PCSK2: variants seen among roughly 807,000 people sequenced by gnomAD.
PCSK2 encodes neuroendocrine convertase 2.
Under a neutral mutation model 69.7 loss-of-function variants are expected in PCSK2, and 14 were observed. The observed-to-expected ratio is 0.20, with a 90% CI of 0.13 to 0.31. The LOEUF is 0.31. PCSK2 is among the 10% of genes least tolerant of loss of function. The pLI is 1.00. For missense variants in PCSK2, 544 were observed against 842.5 expected, an observed-to-expected ratio of 0.65 and a Z score of 4.39; for synonymous variants, 307 against 320.7, an observed-to-expected ratio of 0.96 and a Z score of 0.46.
intron 1 of PCSK2, among the ~76,000 whole-genome samples, chr20:17,236,006 A>G (rs1986324583): frequency 6.6e-6 from 1 of 152,152 alleles, no homozygotes; most frequent in Non-Finnish European, 1.5e-5. Flanking sequence ...AAAAAATACC[A>G]AGTAATAAAA....
intron 1 of PCSK2, among the ~76,000 whole-genome samples, chr20:17,238,244 G>C (rs985811262): frequency 6.6e-6 from 1 of 151,180 alleles, no homozygotes; most frequent in Non-Finnish European, 1.5e-5. Context: ...CACTTGATGT[G>C]GTTTTAAAGG....
intron 1 of PCSK2, among the ~76,000 whole-genome samples, chr20:17,234,212 T>C (rs1275460386): frequency 6.6e-6 from 1 of 152,184 alleles, no homozygotes; most frequent in Non-Finnish European, 1.5e-5. Flanking sequence ...AGAGCACACA[T>C]ATTTTCACAA....
intron 1 of PCSK2, among the ~76,000 whole-genome samples, chr20:17,238,063 C>G (rs1986411220): frequency 6.6e-6 from 1 of 152,122 alleles, no homozygotes; most frequent in African/African-American, 2.4e-5. Flanking sequence ...CTGGCACCCA[C>G]AAAATGGTAA....
intron 1 of PCSK2, among the ~76,000 whole-genome samples, chr20:17,245,392 T>A (rs550501287): frequency 6.6e-6 from 1 of 152,340 alleles, no homozygotes; most frequent in South Asian, 2.1e-4. Context: ...AGCATTCTTG[T>A]GGGTTATTCT....
In PCSK2 at chr20:17,459,211, A is replaced by G. The variant is rs557762317; in HGVS notation, c.1202+2763A>G. Among the ~76,000 whole-genome samples, 6 of 152,364 alleles carry G rather than the reference A, an allele frequency of 3.9e-5. No individual in the cohort carries two copies. The East Asian group carries it at 1.2e-3, about 29-fold the overall frequency. Reference sequence around the variant, plus strand: ...ACCCATGTAGCCAGCACCCAAATCAAGAAACAGACGATTTATGTGCCCTGT... The same window carrying G: ...ACCCATGTAGCCAGCACCCAAATCAGGAAACAGACGATTTATGTGCCCTGT... On this transcript the variant is annotated intron_variant, in intron 10 of 11. Coordinates refer to ENST00000262545, the MANE Select transcript of PCSK2 (RefSeq NM_002594.5).
At chr20:17,420,365 A>C (rs2032094541) in intron 6 of PCSK2, among the ~76,000 whole-genome samples, 1 of 152,248 alleles carries the variant, frequency 6.6e-6, no homozygotes, top group Non-Finnish European at 1.5e-5. Flanking sequence ...TTTCAAAGAC[A>C]TAGTCTTTTT....
At chr20:17,347,934 GAGAAAGAA>G (rs11469177) in intron 2 of PCSK2, among the ~76,000 whole-genome samples, 15,563 of 49,300 alleles carry the variant, frequency 0.32, 2,608 homozygotes, top group African/African-American at 0.42. Flanking sequence ...AGAGAAAAAA[GAGAAAGAA>G]AGAAAGAAAG....
intron 2 of PCSK2, among the ~76,000 whole-genome samples, chr20:17,269,973 AT>A (rs759472737): frequency 9.9e-4 from 151 of 152,218 alleles, no homozygotes; most frequent in African/African-American, 3.3e-3. Context: ...TTTTAAAAGA[AT>A]TTCCTGTTAA....
chr20:17,233,379 A>G (rs1186878438), intron 1 of PCSK2, among the ~76,000 whole-genome samples: 1 of 152,128 alleles, frequency 6.6e-6, no homozygotes, highest in East Asian at 1.9e-4. Context: ...CACTAGTGAC[A>G]CTCTTTTCCT....
chr20:17,380,827 G>A (rs750394673), intron 5 of PCSK2, among the ~76,000 whole-genome samples: 3 of 152,146 alleles, frequency 2.0e-5, no homozygotes, highest in Non-Finnish European at 4.4e-5. Flanking sequence ...ATTAAAAGGG[G>A]CAATTAGTGC....
chr20:17,277,095 C>T (rs1355499308), intron 2 of PCSK2, among the ~76,000 whole-genome samples: 4 of 152,066 alleles, frequency 2.6e-5, no homozygotes, highest in Non-Finnish European at 5.9e-5. Flanking sequence ...AAGAACATTC[C>T]ATGCTCATGG....
intron 8 of PCSK2, among the ~76,000 whole-genome samples, chr20:17,448,754 C>T (rs993047447): frequency 6.6e-5 from 10 of 152,144 alleles, no homozygotes; most frequent in Admixed American, 4.6e-4. Context: ...TGGTTAAGTA[C>T]ACTCCATAGT....
chr20:17,436,860 G>A lies in PCSK2; in HGVS notation c.862G>A (p.Ala288Thr). 1 of 1,612,528 alleles carries A rather than the reference G, an allele frequency of 6.2e-7. No individual in the cohort carries two copies. The highest frequency in any genetic ancestry group is 8.5e-7 in the Non-Finnish European group (1 of 1,179,536). Residue 288 changes from alanine to threonine, a missense_variant, in exon 8 of 12, where the codon GCC becomes ACC. Physicochemically the swap from Ala to Thr is moderately conservative, Grantham distance 58 (BLOSUM62 0). Transcript: ENST00000262545. ...TGGGCCCCGGGAGCTCACGCTGCAG[G>A]CCATGGCCGATGGCGTGAACAAGGT... ...VDGPRELTLQ[A>T]MADGVNKGRG...
At chr20:17,306,175 C>A (rs1989321155) in intron 2 of PCSK2, among the ~76,000 whole-genome samples, 1 of 152,104 alleles carries the variant, frequency 6.6e-6, no homozygotes, top group African/African-American at 2.4e-5. Flanking sequence ...GCAATTTGTG[C>A]AAAGTTTATG....
intron 11 of PCSK2, chr20:17,479,161 T>C: frequency 7.2e-7 from 1 of 1,389,122 alleles, no homozygotes; most frequent in Non-Finnish European, 1.0e-6. Flanking sequence ...ACAGGTTCCA[T>C]CAGATGTGGT....
At chr20:17,470,250 T>C (rs1018292070) in intron 11 of PCSK2, among the ~76,000 whole-genome samples, 6 of 152,210 alleles carry the variant, frequency 3.9e-5, no homozygotes, top group Non-Finnish European at 5.9e-5. Context: ...CTTGTGGCTA[T>C]TGAGTGCTAG....
At chr20:17,245,707 A>G (rs1300862713) in intron 1 of PCSK2, among the ~76,000 whole-genome samples, 8 of 151,896 alleles carry the variant, frequency 5.3e-5, no homozygotes, top group African/African-American at 1.9e-4. Context: ...TTCATTCCAT[A>G]TCTCTTATGA....
At chr20:17,474,557 T>G (rs1235714269) in intron 11 of PCSK2, among the ~76,000 whole-genome samples, 1 of 152,170 alleles carries the variant, frequency 6.6e-6, no homozygotes, top group African/African-American at 2.4e-5. Flanking sequence ...TGTGTTCTAG[T>G]TTCCCCTTCT....
At chr20:17,353,956 A>G (rs1190000649) in intron 2 of PCSK2, among the ~76,000 whole-genome samples, 1 of 152,214 alleles carries the variant, frequency 6.6e-6, no homozygotes, top group Non-Finnish European at 1.5e-5. Flanking sequence ...TTAGGTACAC[A>G]TGGGCATAAA....
Sources: allele counts gnomAD v4.1 joint callset (sites outside exome capture counted in the v4.1 genomes callset), GRCh38; gene constraint gnomAD v4.1.1; transcripts MANE v1.5; gene names NCBI Gene and HGNC (gene_info 2026-07-23, HGNC 2026-07-21).